Variants in VILL observed in about 807,000 individuals in gnomAD.
The protein encoded by VILL is villin like, also known as villin-like protein.
In VILL, 102 loss-of-function variants were observed where a neutral mutation model predicts 106.3. The observed-to-expected ratio is 0.96, with a 90% confidence interval of 0.82 to 1.13. The LOEUF is 1.13. Ranked by LOEUF, VILL falls within the 50% of genes most tolerant of loss-of-function variation. The pLI is 0.00. For synonymous variants in VILL, 431 were observed against 440.3 expected (o/e 0.98, Z 0.27); for missense variants, 1,076 against 1,116.6 (o/e 0.96, Z 0.52).
chr3:38,006,344 T>C, intron 18 of VILL, 92 bp downstream of exon 18: 1 of 1,604,434 alleles, frequency 6.2e-7, no homozygotes, highest in Non-Finnish European at 8.5e-7. Flanking sequence ...CCCTTGTAAG[T>C]GGGAGGGGCT....
rs767283329 is a variant in VILL at position 38,006,227 on chromosome 3, C to T, written c.2180C>T (p.Ala727Val). Residue 727 changes from alanine (A) to valine (V), a missense_variant, in exon 18 of 20, where the codon GCA becomes GTA. Ala to Val is a moderately conservative substitution (Grantham distance 64, BLOSUM62 0). Coordinates refer to ENST00000383759, the MANE Select transcript of VILL (RefSeq NM_015873.4). ...GTGGTGGATGGCAGCCCGGCAGCAGCATCAACCATCTCTGAGATAACAGCA... is the reference window on the plus strand; with the variant it reads ...GTGGTGGATGGCAGCCCGGCAGCAGTATCAACCATCTCTGAGATAACAGCA... ...KEVVDGSPAA[A>V]STISEITAEV... 1.9e-6 allele frequency: 3 copies of T among 1,614,240 alleles called. No homozygotes were observed. Among genetic ancestry groups the T allele is most frequent in the Admixed American group, 3.3e-5 (2 of 60,034 alleles).
In VILL at chr3:38,006,677, G is replaced by A. The variant is rs754927336; in HGVS notation, c.2434G>A (p.Gly812Ser). 40 of 1,608,576 alleles carry A rather than the reference G, an allele frequency of 2.5e-5. No homozygotes were observed. In the South Asian group the frequency reaches 4.1e-4, roughly 16 times the overall value. ...MHQAVEDLPE[G>S]VDPARREFYL... is the part of the protein sequence containing the mutation. Reference sequence around the variant, plus strand: ...CCAGGCTGTTGAGGACCTGCCAGAGGGCGTGGACCCTGCCCGCAGGGAGGT... The same window carrying A: ...CCAGGCTGTTGAGGACCTGCCAGAGAGCGTGGACCCTGCCCGCAGGGAGGT... The change falls in exon 19 of 20, where the codon GGC becomes AGC. Residue 812 changes from glycine to serine, a missense_variant. Gly to Ser is a moderately conservative substitution (Grantham distance 56, BLOSUM62 0). Transcript: ENST00000383759.
At position 37,998,381 on chromosome 3, in the gene VILL, T is replaced by A; in HGVS notation, c.942+17T>A. ...CGGGCTGTGGTGAGCCCTGGGGCTCTGTCTGAGAGGAACAGAGCACTGCCC... is the reference window on the plus strand; with the variant it reads ...CGGGCTGTGGTGAGCCCTGGGGCTCAGTCTGAGAGGAACAGAGCACTGCCC... On this transcript the variant is annotated intron_variant, in intron 9 of 19. Coordinates refer to ENST00000383759, the MANE Select transcript of VILL (RefSeq NM_015873.4). This position sits in a 1 kb window ranked among gnomAD's most constrained non-coding sequence, Gnocchi z 4.1. The A allele has an allele frequency of 6.2e-7, 1 of 1,612,186 alleles. No individual in the cohort carries two copies. Among genetic ancestry groups the A allele is most frequent in the Non-Finnish European group, 8.5e-7 (1 of 1,178,362 alleles).
At position 38,001,695 on chromosome 3, in the gene VILL, C is replaced by A. The variant is rs768413254; in HGVS notation, c.1321-7C>A. 1 of 1,614,148 alleles carries A rather than the reference C, an allele frequency of 6.2e-7. No homozygotes were observed. The highest frequency in any genetic ancestry group is 8.5e-7 in the Non-Finnish European group (1 of 1,179,982). On this transcript the variant is annotated splice_region_variant and splice_polypyrimidine_tract_variant and intron_variant, in intron 12 of 19. Coordinates refer to ENST00000383759, the MANE Select transcript of VILL (RefSeq NM_015873.4). ...GCCAGGCCCTCACTCACTGCCCCCACCTGCAGGGCCACCAGGCCACTGCGG... is the reference window on the plus strand; with the variant it reads ...GCCAGGCCCTCACTCACTGCCCCCAACTGCAGGGCCACCAGGCCACTGCGG...
rs772367964 is a variant in VILL, at chr3:38,005,993, C to G, written c.2133+19C>G. On this transcript the variant is annotated intron_variant, in intron 17 of 19. Coordinates refer to ENST00000383759, the MANE Select transcript of VILL (RefSeq NM_015873.4). ...GTGGACTGTGAGTGAGGCCTGAAAC[C>G]CCCAGCCCTACCCTAATTTGTGGGG... 2.5e-6 allele frequency: 4 copies of G among 1,602,768 alleles called. No homozygotes were observed. The highest frequency in any genetic ancestry group is 1.7e-5 in the Admixed American group (1 of 59,398).
At position 37,998,625 on chromosome 3, in the gene VILL, C is replaced by A. The variant is rs751659900; in HGVS notation, c.942+261C>A. On this transcript the variant is annotated intron_variant, in intron 9 of 19. Coordinates refer to ENST00000383759, the MANE Select transcript of VILL (RefSeq NM_015873.4). This position sits in a 1 kb window ranked among gnomAD's most constrained non-coding sequence, Gnocchi z 4.1. Reference sequence around the variant, plus strand: ...TCTGGGGCCCTACTGACTGGGCGGTCCCGCTTTCTGAGGGTGGGGCTGGGG... The same window carrying A: ...TCTGGGGCCCTACTGACTGGGCGGTACCGCTTTCTGAGGGTGGGGCTGGGG... 2.3e-4 allele frequency among the ~76,000 whole-genome samples: 35 copies of A among 152,046 alleles called. No homozygotes were observed. The highest frequency in any genetic ancestry group is 2.2e-4 in the Non-Finnish European group (15 of 67,994).
chr3:38,002,918 C>T (rs1183813359), intron 14 of VILL: 5 of 537,162 alleles, frequency 9.3e-6, no homozygotes, highest in African/African-American at 7.6e-5. Context: ...TATGACTGAC[C>T]CTCTAAGCCT....
At chr3:37,994,040 G>A in intron 3 of VILL, 68 bp downstream of exon 3, 1 of 1,584,876 alleles carries the variant, frequency 6.3e-7, no homozygotes, top group Non-Finnish European at 8.7e-7. Flanking sequence ...CTGAGGCACA[G>A]GCATAAACTC....
chr3:38,001,492 G>C lies in VILL; in HGVS notation c.1219G>C (p.Asp407His), dbSNP rs752189053. 2 of 1,614,218 alleles carry C rather than the reference G, an allele frequency of 1.2e-6. No homozygotes were observed. Among genetic ancestry groups the C allele is most frequent in the Non-Finnish European group, 1.7e-6 (2 of 1,180,014 alleles). ...CIQDLHRQPV[D>H]PKRHGQLCAG... ...CCAGGACTTACACAGGCAGCCCGTG[G>C]ACCCCAAGCGTCATGGACAGCTGTG... The change falls in exon 12 of 20, where the codon GAC becomes CAC. Residue 407 changes from aspartate to histidine, a missense_variant. Coordinates refer to ENST00000383759, the MANE Select transcript of VILL (RefSeq NM_015873.4).
Position 37,997,058 on chromosome 3 carries a change from C to G in VILL, c.451-19C>G. The stretch of plus-strand genomic sequence containing the variant: ...ATGCTGGTGGTATGACACTCTGTCT[C>G]TCTCCCTGGCTCTGGCAGGTGGAGC... On this transcript the variant is annotated intron_variant, in intron 5 of 19. Coordinates refer to ENST00000383759, the MANE Select transcript of VILL (RefSeq NM_015873.4). This position sits in a 1 kb window ranked among gnomAD's most constrained non-coding sequence, Gnocchi z 4.7. The G allele has an allele frequency of 6.2e-7, 1 of 1,609,802 alleles. No homozygotes were observed. The highest frequency in any genetic ancestry group is 8.5e-7 in the Non-Finnish European group (1 of 1,176,254).
At chr3:37,993,404 A>G in intron 1 of VILL, 183 bp from the exon 2 acceptor site, 1 of 495,696 alleles carries the variant, frequency 2.0e-6, no homozygotes, top group East Asian at 3.6e-5. Flanking sequence ...AGGGTGGCAG[A>G]GCAAGACCCT....
chr3:38,001,523 GC>G lies in VILL; in HGVS notation c.1251del (p.Asn418ThrfsTer35). The G allele has an allele frequency of 1.2e-6, 2 of 1,614,184 alleles. No individual in the cohort carries two copies. Among genetic ancestry groups the G allele is most frequent in the South Asian group, 2.2e-5 (2 of 91,088 alleles). The part of the protein sequence containing the change: ...DPKRHGQLCA[G>X]NCYLVLYTYQ... ...AAGCGTCATGGACAGCTGTGTGCAG[GC>G]AACTGCTACCTTGTGCTCTACACAT... On this transcript the variant is annotated frameshift_variant, in exon 12 of 20. Coordinates refer to ENST00000383759, the MANE Select transcript of VILL (RefSeq NM_015873.4). LOFTEE classifies it high-confidence loss of function.
intron 3 of VILL, 73 bp from the exon 4 acceptor site, chr3:37,994,188 G>T (rs1168794264): frequency 5.9e-6 from 9 of 1,527,206 alleles, no homozygotes; most frequent in Admixed American, 1.9e-5. Context: ...CATGGCCCTT[G>T]GTACATCCTC....
chr3:37,994,002 G>C, intron 3 of VILL, 30 bp downstream of exon 3: 1 of 1,613,234 alleles, frequency 6.2e-7, no homozygotes, highest in South Asian at 1.1e-5. Context: ...CTGCCTGAGA[G>C]GGGTGGCATG....
At chr3:37,991,645 T>G (rs1292727769) in intron 1 of VILL, among the ~76,000 whole-genome samples, 1 of 151,686 alleles carries the variant, frequency 6.6e-6, no homozygotes, top group Non-Finnish European at 1.5e-5. Context: ...AAAGGGGCCC[T>G]GAGTGGAGGA....
At position 37,998,254 on chromosome 3, in the gene VILL, C is replaced by T. The variant is rs1339946675; in HGVS notation, c.844-12C>T. Reference sequence around the variant, plus strand: ...TGGACCACCTACTGACCAGCCCCACCCTTGCTCCCAGGACTTCTACATCCT... The same window carrying T: ...TGGACCACCTACTGACCAGCCCCACTCTTGCTCCCAGGACTTCTACATCCT... On this transcript the variant is annotated splice_polypyrimidine_tract_variant and intron_variant, in intron 8 of 19. Coordinates refer to ENST00000383759, the MANE Select transcript of VILL (RefSeq NM_015873.4). The surrounding 1 kb of genome is among the most constrained non-coding windows in gnomAD (Gnocchi z 4.1). 5 of 1,614,104 alleles carry T rather than the reference C, an allele frequency of 3.1e-6. No homozygotes were observed. Among genetic ancestry groups the T allele is most frequent in the Admixed American group, 1.7e-5 (1 of 60,024 alleles).
At chr3:38,004,107 T>G in intron 15 of VILL, 148 bp from the exon 16 acceptor site, 1 of 1,040,606 alleles carries the variant, frequency 9.6e-7, no homozygotes, top group Non-Finnish European at 1.4e-6. Flanking sequence ...CAGAGCGGAG[T>G]GCTCGGGGAG....
In VILL at chr3:37,998,460, C is replaced by T; in HGVS notation, c.942+96C>T. 8.8e-7 allele frequency: 1 copy of T among 1,130,282 alleles called. No homozygotes were observed. Among genetic ancestry groups the T allele is most frequent in the Non-Finnish European group, 1.3e-6 (1 of 770,620 alleles). The allele number at this position is 1,130,282 out of a possible 1,614,324, so 70.0% of individuals were successfully genotyped here. ...CCCAGGGTCTAAGGGAGGAATCAGC[C>T]CTCCCCTAGAGTTTGAGTTGGGAAA... is the stretch of plus-strand genomic sequence containing the variant. On this transcript the variant is annotated intron_variant, in intron 9 of 19. Transcript: ENST00000383759. The surrounding 1 kb of genome is among the most constrained non-coding windows in gnomAD (Gnocchi z 4.1).
rs1699772597 is a variant in VILL, at chr3:37,999,388, TAA to T, written c.1132_1133del (p.Lys378ValfsTer70). On this transcript the variant is annotated frameshift_variant, in exon 11 of 20. Coordinates refer to ENST00000383759, the MANE Select transcript of VILL (RefSeq NM_015873.4). LOFTEE classifies it high-confidence loss of function. Reference protein sequence around the residue: ...LDVGKLHTQPKLAAQLRMVDD... With the variant: ...LDVGKLHTQPXLAAQLRMVDD... ...ACGTGGGCAAGCTGCACACCCAGCC[TAA>T]GTTAGCGGCCCAGCTCAGGATGGTG... is the stretch of plus-strand genomic sequence containing the variant. 6.6e-7 allele frequency: 1 copy of T among 1,505,226 alleles called. No individual in the cohort carries two copies. The highest frequency in any genetic ancestry group is 2.4e-5 in the Admixed American group (1 of 41,678). 93.2% of individuals were successfully genotyped at this position (1,505,226 alleles called of 1,614,324 possible).
Sources: gnomAD v4.1 joint callset for allele counts (sites outside exome capture counted in the v4.1 genomes callset) on GRCh38, gnomAD v4.1.1 for gene constraint, Gnocchi (gnomAD v3.1) non-coding constraint, MANE v1.5 for transcripts, NCBI Gene and HGNC (gene_info 2026-07-23, HGNC 2026-07-21) for gene names.